GALNT10: variants seen among roughly 807,000 people sequenced by gnomAD.
GALNT10 encodes GalNAc transferase 10.
Under a neutral mutation model 75.0 loss-of-function variants are expected in GALNT10, and 41 were observed. That is an observed-to-expected ratio of 0.55 (90% confidence interval 0.43 to 0.71). The LOEUF (loss-of-function observed/expected upper bound fraction) is 0.71. GALNT10 is among the 30% of genes least tolerant of loss of function. GALNT10 has a pLI of 0.00. For missense variants in GALNT10, 727 were observed against 818.5 expected (o/e 0.89, Z 1.36); for synonymous variants, 302 against 313.0 (o/e 0.96, Z 0.37).
chr5:154,219,165 C>T (rs1015532796), intron 1 of GALNT10, among the ~76,000 whole-genome samples: 1 of 152,230 alleles, frequency 6.6e-6, no homozygotes, highest in Non-Finnish European at 1.5e-5. Flanking sequence ...AGCTCATCTA[C>T]TCCCCGACAT....
chr5:154,246,332 G>A (rs1299184832), intron 1 of GALNT10, among the ~76,000 whole-genome samples: 4 of 152,198 alleles, frequency 2.6e-5, no homozygotes, highest in Non-Finnish European at 5.9e-5. Flanking sequence ...CCAGTAATGG[G>A]ATGGCTGGGT....
rs1419896869 is a variant in GALNT10 at position 154,298,986 on chromosome 5, A to G, written c.401+907A>G. On this transcript the variant is annotated intron_variant, in intron 3 of 11. Transcript: ENST00000297107. This position sits in a 1 kb window ranked among gnomAD's most constrained non-coding sequence, Gnocchi z 4.1. Reference sequence around the variant, plus strand: ...GGACCACACTTTGAGAATCACTGCAAGTAGATTTCAGAATTGCTTCTACAT... The same window carrying G: ...GGACCACACTTTGAGAATCACTGCAGGTAGATTTCAGAATTGCTTCTACAT... Among the ~76,000 whole-genome samples, 4 of 152,248 alleles carry G rather than the reference A, an allele frequency of 2.6e-5. No homozygotes were observed. Among genetic ancestry groups the G allele is most frequent in the African/African-American group, 9.6e-5 (4 of 41,472 alleles).
chr5:154,299,011 T>A (rs1414202696), intron 3 of GALNT10, among the ~76,000 whole-genome samples: 2 of 152,218 alleles, frequency 1.3e-5, no homozygotes, highest in East Asian at 3.8e-4. Flanking sequence ...TGCTTCTACA[T>A]GAAGGCAGTA....
rs1774844906 is a variant in GALNT10, at chr5:154,190,829, GC to G, written c.-37del. The G allele has an allele frequency of 8.2e-6, 9 of 1,102,202 alleles. No individual in the cohort carries two copies. The highest frequency in any genetic ancestry group is 1.0e-5 in the Non-Finnish European group (9 of 901,238). The allele number at this position is 1,102,202 out of a possible 1,614,324, so 68.3% of individuals were successfully genotyped here. Reference sequence around the variant, plus strand: ...GACGCGCGGAGCTGGGGGCGGCGCGGCGGGGCCGGCGGGGCGCGGCGGGGCT... The same window carrying G: ...GACGCGCGGAGCTGGGGGCGGCGCGGGGGGCCGGCGGGGCGCGGCGGGGCT... On this transcript the variant is annotated 5_prime_UTR_variant, in exon 1 of 12. Transcript: ENST00000297107.
chr5:154,205,460 G>A (rs945751097), intron 1 of GALNT10, among the ~76,000 whole-genome samples: 3 of 152,210 alleles, frequency 2.0e-5, no homozygotes, highest in African/African-American at 4.8e-5. Flanking sequence ...TCTAGAGGGA[G>A]CGTCTTAAGG....
intron 1 of GALNT10, among the ~76,000 whole-genome samples, chr5:154,203,396 C>T (rs1204232403): frequency 6.6e-6 from 1 of 152,186 alleles, no homozygotes; most frequent in Non-Finnish European, 1.5e-5. Flanking sequence ...TATCCAGTCT[C>T]CCTCAACCTT....
chr5:154,344,280 C>T (rs1004541362), intron 4 of GALNT10, among the ~76,000 whole-genome samples: 5 of 149,950 alleles, frequency 3.3e-5, no homozygotes, highest in South Asian at 4.2e-4. Context: ...GGCATGATCT[C>T]GGCTCACTGC....
At chr5:154,221,625 G>GA in intron 1 of GALNT10, among the ~76,000 whole-genome samples, 1 of 20,130 alleles carries the variant, frequency 5.0e-5, no homozygotes, top group South Asian at 1.5e-3. Flanking sequence ...ACAGGAAAAG[G>GA]AAAAAAAACC....
chr5:154,398,750 A>G (rs1234449164), intron 7 of GALNT10, among the ~76,000 whole-genome samples: 1 of 152,186 alleles, frequency 6.6e-6, no homozygotes, highest in East Asian at 1.9e-4. Flanking sequence ...TCCACAAATG[A>G]GAGAATATGG....
chr5:154,194,409 T>C (rs906268364), intron 1 of GALNT10, among the ~76,000 whole-genome samples: 1 of 152,234 alleles, frequency 6.6e-6, no homozygotes, highest in Non-Finnish European at 1.5e-5. Flanking sequence ...GAAGGGCTAG[T>C]ATCCTTTAGC....
intron 1 of GALNT10, among the ~76,000 whole-genome samples, chr5:154,283,404 A>T (rs538504094): frequency 6.6e-6 from 1 of 152,010 alleles, no homozygotes; most frequent in Non-Finnish European, 1.5e-5. Flanking sequence ...GCAGTGAGCT[A>T]TCATCATGCT....
At chr5:154,324,780 T>C (rs1314257858) in intron 3 of GALNT10, among the ~76,000 whole-genome samples, 3 of 152,220 alleles carry the variant, frequency 2.0e-5, no homozygotes, top group Non-Finnish European at 2.9e-5. Context: ...TCAGAATCAC[T>C]GTTTTAGAAC....
At chr5:154,327,808 A>G (rs1022575216) in intron 3 of GALNT10, among the ~76,000 whole-genome samples, 1 of 152,244 alleles carries the variant, frequency 6.6e-6, no homozygotes, top group African/African-American at 2.4e-5. Context: ...CTGATGAAAT[A>G]AAATATTTAG....
intron 4 of GALNT10, among the ~76,000 whole-genome samples, chr5:154,360,833 G>A (rs968456879): frequency 6.6e-6 from 1 of 152,164 alleles, no homozygotes; most frequent in African/African-American, 2.4e-5. Flanking sequence ...GAAAGTGGTT[G>A]ATCCAAGAAT....
At chr5:154,223,249 C>T (rs1046143041) in intron 1 of GALNT10, among the ~76,000 whole-genome samples, 8 of 152,142 alleles carry the variant, frequency 5.3e-5, no homozygotes, top group Admixed American at 5.2e-4. Context: ...GCGTGATCTG[C>T]TTTATTGGCT....
intron 4 of GALNT10, among the ~76,000 whole-genome samples, chr5:154,330,393 A>G (rs1177686978): frequency 1.3e-5 from 2 of 152,210 alleles, no homozygotes; most frequent in African/African-American, 4.8e-5. Flanking sequence ...TAGAGATGTC[A>G]AGTAAGCCCA....
chr5:154,192,688 T>A (rs920224128), intron 1 of GALNT10, among the ~76,000 whole-genome samples: 2 of 152,228 alleles, frequency 1.3e-5, no homozygotes, highest in African/African-American at 4.8e-5. Flanking sequence ...AGTCCAGAGT[T>A]CCTTGTAGCA....
At chr5:154,223,158 C>CA (rs1184314935) in intron 1 of GALNT10, among the ~76,000 whole-genome samples, 1 of 152,206 alleles carries the variant, frequency 6.6e-6, no homozygotes, top group Non-Finnish European at 1.5e-5. Flanking sequence ...CATAATCAGA[C>CA]ATGGACACTG....
chr5:154,331,211 G>A (rs939794709), intron 4 of GALNT10, among the ~76,000 whole-genome samples: 10 of 152,090 alleles, frequency 6.6e-5, no homozygotes, highest in Admixed American at 6.5e-5. Context: ...CTTACTACGT[G>A]TTTGATGAAC....
Sources: allele counts gnomAD v4.1 joint callset (sites outside exome capture counted in the v4.1 genomes callset), GRCh38; gene constraint gnomAD v4.1.1; non-coding constraint Gnocchi (gnomAD v3.1); transcripts MANE v1.5; gene names NCBI Gene and HGNC (gene_info 2026-07-23, HGNC 2026-07-21).